UMAD1: variants seen among roughly 807,000 people sequenced by gnomAD.
UMAD1 encodes the protein UBAP1-MVB12-associated (UMA)-domain containing protein 1.
Under a neutral mutation model 6.1 loss-of-function variants are expected in UMAD1, and 8 were observed. The observed-to-expected ratio is 1.30, with a 90% confidence interval of 0.76 to 2.35. The LOEUF is 2.35. UMAD1 is among the 30% of genes most tolerant of loss of function. The pLI, the probability that UMAD1 is intolerant of heterozygous loss-of-function variation, is 0.00. For missense variants in UMAD1, 130 were observed against 78.4 expected, an observed-to-expected ratio of 1.66 and a Z score of -2.49; for synonymous variants, 56 against 31.4, an observed-to-expected ratio of 1.78 and a Z score of -2.61.
At chr7:7,664,008 A>C (rs1403181781) in intron 1 of UMAD1, among the ~76,000 whole-genome samples, 1 of 152,166 alleles carries the variant, frequency 6.6e-6, no homozygotes, top group Non-Finnish European at 1.5e-5. Flanking sequence ...CCTAGGTCTA[A>C]AACACTTTGC....
chr7:7,642,575 G>T (rs1400345736), intron 1 of UMAD1, among the ~76,000 whole-genome samples: 2 of 152,022 alleles, frequency 1.3e-5, no homozygotes, highest in African/African-American at 2.4e-5. Flanking sequence ...TTTTAAAACA[G>T]GGAGATGAGC....
At chr7:7,682,778 A>G (rs1563118517) in intron 2 of UMAD1, among the ~76,000 whole-genome samples, 1 of 152,202 alleles carries the variant, frequency 6.6e-6, no homozygotes, top group African/African-American at 2.4e-5. Flanking sequence ...CATTTAATTT[A>G]CTTAGCAGTT....
chr7:7,698,344 A>C (rs973615197), intron 2 of UMAD1, among the ~76,000 whole-genome samples: 1 of 152,208 alleles, frequency 6.6e-6, no homozygotes, highest in Non-Finnish European at 1.5e-5. Flanking sequence ...GGTTTATATA[A>C]TGGTGCGTTT....
At chr7:7,783,313 A>T (rs1356187838) in intron 2 of UMAD1, among the ~76,000 whole-genome samples, 2 of 152,066 alleles carry the variant, frequency 1.3e-5, no homozygotes, top group Non-Finnish European at 2.9e-5. Flanking sequence ...ATCAAAATCA[A>T]AGGAATTAAT....
intron 1 of UMAD1, among the ~76,000 whole-genome samples, chr7:7,663,120 C>G (rs948561496): frequency 4.6e-5 from 7 of 151,552 alleles, no homozygotes; most frequent in African/African-American, 1.7e-4. Context: ...GTATAATGCT[C>G]TCAATCTTTT....
At chr7:7,736,461 C>A (rs1049674908) in intron 2 of UMAD1, 6 of 152,564 alleles carry the variant, frequency 3.9e-5, no homozygotes, top group African/African-American at 1.4e-4. Flanking sequence ...AGGAATTCTT[C>A]TTATTTAGAT....
intron 2 of UMAD1, among the ~76,000 whole-genome samples, chr7:7,753,498 C>A (rs1184424320): frequency 6.6e-6 from 1 of 152,142 alleles, no homozygotes; most frequent in African/African-American, 2.4e-5. Context: ...ATTTTGAGAT[C>A]CCACGAATAA....
At chr7:7,722,157 C>A (rs6948122) in intron 2 of UMAD1, among the ~76,000 whole-genome samples, 20,161 of 122,508 alleles carry the variant, frequency 0.16, 1,589 homozygotes, top group Non-Finnish European at 0.21. Context: ...CTCTCTCTCT[C>A]TATATATATA....
chr7:7,714,468 G>A (rs532626527), intron 2 of UMAD1, among the ~76,000 whole-genome samples: 15 of 152,326 alleles, frequency 9.8e-5, no homozygotes, highest in Admixed American at 4.6e-4. Flanking sequence ...TTATAGCTAC[G>A]AAACTTTGTT....
intron 3 of UMAD1, among the ~76,000 whole-genome samples, chr7:7,858,246 G>A (rs998912974): frequency 2.6e-5 from 4 of 152,260 alleles, no homozygotes; most frequent in East Asian, 1.9e-4. Context: ...TTAATGAAAC[G>A]AAAATCAGTA....
intron 3 of UMAD1, among the ~76,000 whole-genome samples, chr7:7,871,588 G>A (rs527238742): frequency 8.1e-4 from 124 of 152,292 alleles, no homozygotes; most frequent in African/African-American, 2.7e-3. Context: ...ACAGTGTTCC[G>A]TATATGCTAG....
intron 2 of UMAD1, among the ~76,000 whole-genome samples, chr7:7,684,616 T>C (rs1288436124): frequency 6.6e-6 from 1 of 152,130 alleles, no homozygotes; most frequent in Non-Finnish European, 1.5e-5. Flanking sequence ...ACCTTAGATG[T>C]TTTTTGAAAA....
At chr7:7,832,179 C>T (rs976772931) in intron 3 of UMAD1, among the ~76,000 whole-genome samples, 2 of 152,200 alleles carry the variant, frequency 1.3e-5, no homozygotes, top group Non-Finnish European at 2.9e-5. Flanking sequence ...TTATGTTCTT[C>T]ATACCATAGC....
At chr7:7,666,446 G>C (rs1463923477) in intron 1 of UMAD1, among the ~76,000 whole-genome samples, 3 of 151,950 alleles carry the variant, frequency 2.0e-5, no homozygotes, top group Admixed American at 1.3e-4. Flanking sequence ...GGCCTCAAGT[G>C]ATCTGCCTAC....
intron 2 of UMAD1, among the ~76,000 whole-genome samples, chr7:7,779,936 G>A (rs889608363): frequency 6.6e-6 from 1 of 152,164 alleles, no homozygotes; most frequent in Admixed American, 6.6e-5. Context: ...AAGCCACTGT[G>A]CCCGGCCCAA....
chr7:7,784,019 T>A (rs1013526538), intron 2 of UMAD1, among the ~76,000 whole-genome samples: 4 of 152,174 alleles, frequency 2.6e-5, no homozygotes. Context: ...ACTGATAGTA[T>A]GCCATTCTGA....
At chr7:7,742,497 C>T (rs953676738) in intron 2 of UMAD1, 9 of 520,930 alleles carry the variant, frequency 1.7e-5, no homozygotes, top group African/African-American at 3.9e-5. Context: ...TCTTGGCCTT[C>T]GAAGCCTTCA....
At chr7:7,642,958 AC>A (rs1165494556) in intron 1 of UMAD1, among the ~76,000 whole-genome samples, 3 of 151,996 alleles carry the variant, frequency 2.0e-5, no homozygotes, top group Non-Finnish European at 4.4e-5. Flanking sequence ...GTATCTTCTG[AC>A]TTCTTTTGTT....
chr7:7,771,303 T>C (rs1463442329), intron 2 of UMAD1, among the ~76,000 whole-genome samples: 1 of 152,078 alleles, frequency 6.6e-6, no homozygotes, highest in Non-Finnish European at 1.5e-5. Context: ...AAATCACATA[T>C]AGCTAGGGTT....
Sources: gnomAD v4.1 joint callset for allele counts (sites outside exome capture counted in the v4.1 genomes callset) on GRCh38, gnomAD v4.1.1 for gene constraint, MANE v1.5 for transcripts, NCBI Gene and HGNC (gene_info 2026-07-23, HGNC 2026-07-21) for gene names.